The following DMD variants were observed in gnomAD, a reference collection of about 807,000 sequenced individuals.
The protein encoded by DMD is dystrophin.
A neutral mutation model predicts 330.1 loss-of-function variants in DMD; 63 were observed. That is an observed-to-expected ratio of 0.19 (90% CI 0.16 to 0.24). DMD has a LOEUF of 0.24. Among genes scored for constraint, DMD ranks in the 10% least tolerant of loss-of-function variants. DMD has a pLI of 1.00. For synonymous variants in DMD, 1,223 were observed against 959.8 expected, an observed-to-expected ratio of 1.27 and a Z score of -5.07; for missense variants, 3,344 against 2,684.1, an observed-to-expected ratio of 1.25 and a Z score of -5.43.
intron 44 of DMD, among the ~76,000 whole-genome samples, chrX:32,182,796 T>C (rs7877182): frequency 0.098 from 10,899 of 111,311 alleles, 707 homozygotes; most frequent in African/African-American, 0.23. Flanking sequence ...AAGTTAGTGC[T>C]ATTTAATGGT....
chrX:33,068,996 A>G (rs1255029436), intron 1 of DMD, among the ~76,000 whole-genome samples: 1 of 112,224 alleles, frequency 8.9e-6, no homozygotes, highest in East Asian at 2.8e-4. Flanking sequence ...ACAAAGTTCT[A>G]TACCTATTAC....
intron 5 of DMD, among the ~76,000 whole-genome samples, chrX:32,822,682 T>TTA (rs745324874): frequency 6.4e-5 from 7 of 109,661 alleles, no homozygotes; most frequent in South Asian, 3.8e-4. Context: ...TATAGACACA[T>TTA]TATATATATA....
chrX:32,782,678 A>T, intron 7 of DMD, among the ~76,000 whole-genome samples: 1 of 110,733 alleles, frequency 9.0e-6, no homozygotes, highest in South Asian at 3.8e-4. Context: ...CTGTATCTGC[A>T]AATTCAAATA....
intron 1 of DMD, among the ~76,000 whole-genome samples, chrX:33,092,906 C>T (rs761866233): frequency 4.8e-4 from 53 of 110,505 alleles, no homozygotes; most frequent in African/African-American, 1.7e-3. Flanking sequence ...TGGAGTCTTG[C>T]TCTGTCGCCC....
intron 25 of DMD, among the ~76,000 whole-genome samples, chrX:32,459,762 A>G (rs972251458): frequency 1.8e-5 from 2 of 111,358 alleles, no homozygotes; most frequent in African/African-American, 6.5e-5. Context: ...AAGTACTGCC[A>G]GATCTAATGG....
chrX:33,230,189 A>G (rs2052365004), intron 1 of DMD, among the ~76,000 whole-genome samples: 1 of 112,250 alleles, frequency 8.9e-6, no homozygotes, highest in Non-Finnish European at 1.9e-5. Context: ...AGAGGGATTG[A>G]TAGAGACCTG....
chrX:32,574,158 G>C lies in DMD; in HGVS notation c.1603-312C>G, dbSNP rs973113239. Among the ~76,000 whole-genome samples the C allele has an allele frequency of 1.7e-4, 19 of 111,577 alleles. No homozygotes were observed. The Admixed American group carries it at 1.8e-3, about 11-fold the overall frequency. ...ACATACATATAGAGAGGATTTTGCA[G>C]TGAGAACAAGTAAAAGGTGTATTTT... On this transcript the variant is annotated intron_variant, in intron 13 of 78. Transcript: ENST00000357033.
At chrX:33,178,068 TA>T (rs1340070394) in intron 1 of DMD, among the ~76,000 whole-genome samples, 1 of 112,264 alleles carries the variant, frequency 8.9e-6, no homozygotes, top group Non-Finnish European at 1.9e-5. Context: ...AATCAGAATC[TA>T]AAGTATTGTC....
chrX:31,351,337 A>G (rs2058400090), intron 60 of DMD, among the ~76,000 whole-genome samples: 1 of 111,225 alleles, frequency 9.0e-6, no homozygotes, highest in Non-Finnish European at 1.9e-5. Flanking sequence ...AAATAAGATG[A>G]TACAATGTAA....
At chrX:32,980,393 A>AT (rs2092678225) in intron 2 of DMD, among the ~76,000 whole-genome samples, 1 of 104,631 alleles carries the variant, frequency 9.6e-6, no homozygotes, top group East Asian at 3.0e-4. Context: ...AAAAAAAAAA[A>AT]GGAGTAAAAT....
At chrX:32,600,962 A>G (rs907020508) in intron 12 of DMD, among the ~76,000 whole-genome samples, 3 of 107,748 alleles carry the variant, frequency 2.8e-5, no homozygotes, top group Non-Finnish European at 5.9e-5. Context: ...TCTGGACAGG[A>G]ATTGACTTTT....
intron 43 of DMD, among the ~76,000 whole-genome samples, chrX:32,228,875 C>T (rs983765378): frequency 7.4e-4 from 83 of 111,530 alleles, no homozygotes; most frequent in African/African-American, 2.7e-3. Flanking sequence ...GGAGCAAAAG[C>T]AACCACAAAT....
intron 2 of DMD, among the ~76,000 whole-genome samples, chrX:32,858,570 CGCCTCCCTCAGCTTCCCAAA>C (rs2081799646): frequency 9.0e-6 from 1 of 111,395 alleles, no homozygotes; most frequent in Non-Finnish European, 1.9e-5. Context: ...CCTTGTGATC[CGCCTCCCTCAGCTTCCCAAA>C]GTACTGGGAT....
In DMD at chrX:31,944,517, C is replaced by T. The variant is rs13440629; in HGVS notation, c.6615-12290G>A. Reference sequence around the variant, plus strand: ...TTTTTGAGACGGAGTCTCACTCTGTCGCCCGGCTGGAGTGCAGTGGTGCGA... The same window carrying T: ...TTTTTGAGACGGAGTCTCACTCTGTTGCCCGGCTGGAGTGCAGTGGTGCGA... On this transcript the variant is annotated intron_variant, in intron 45 of 78. Transcript: ENST00000357033. 8.5e-3 allele frequency among the ~76,000 whole-genome samples: 859 copies of T among 101,343 alleles called. 4 individuals carry two copies. Among genetic ancestry groups the T allele is most frequent in the Non-Finnish European group, 0.012 (588 of 50,674 alleles). The allele number at this position is 101,343 out of a possible 115,157, so 88.0% of individuals were successfully genotyped here. A position where few individuals can be genotyped will look rare whatever the true frequency, so the allele number is the denominator to read the frequency against.
Position 32,651,005 on chromosome X carries a change from G to A in DMD, c.961-5853C>T, listed in dbSNP as rs5972633. ...CTTGCCAAAGGTCACAAAGGTAACT[G>A]GTGGTTCTGGGACTTAAAACCAGGT... On this transcript the variant is annotated intron_variant, in intron 9 of 78. Transcript: ENST00000357033. Among the ~76,000 whole-genome samples, 9,369 of 111,519 alleles carry A rather than the reference G, an allele frequency of 0.084. 936 individuals carry two copies. Among genetic ancestry groups the A allele is most frequent in the African/African-American group, 0.29 (8,862 of 30,524 alleles).
At chrX:31,381,911 GC>G (rs1016939860) in intron 60 of DMD, among the ~76,000 whole-genome samples, 1 of 111,417 alleles carries the variant, frequency 9.0e-6, no homozygotes, top group Non-Finnish European at 1.9e-5. Flanking sequence ...TCGAGGATTT[GC>G]CCCCGCCCAG....
chrX:31,961,549 A>C (rs1467231161), intron 45 of DMD, among the ~76,000 whole-genome samples: 1 of 111,477 alleles, frequency 9.0e-6, no homozygotes, highest in Non-Finnish European at 1.9e-5. Context: ...GGTATGATAC[A>C]TGATATATAC....
intron 55 of DMD, among the ~76,000 whole-genome samples, chrX:31,537,835 T>C (rs1405425053): frequency 8.9e-6 from 1 of 112,111 alleles, no homozygotes; most frequent in Non-Finnish European, 1.9e-5. Context: ...CGTAGCACTA[T>C]CATAGTAATA....
chrX:32,472,127 C>A, intron 22 of DMD, 37 bp downstream of exon 22: 2 of 1,196,621 alleles, frequency 1.7e-6, no homozygotes, highest in Middle Eastern at 2.3e-4. Context: ...GCTTGATAAG[C>A]GTGCTTTATT....
Sources: gnomAD v4.1 joint callset for allele counts (sites outside exome capture counted in the v4.1 genomes callset) on GRCh38, gnomAD v4.1.1 for gene constraint, MANE v1.5 for transcripts, NCBI Gene and HGNC (gene_info 2026-07-23, HGNC 2026-07-21) for gene names.